The following DCAF5 variants were observed in gnomAD, a reference collection of about 807,000 sequenced individuals.
The protein encoded by DCAF5 is DDB1 and CUL4 associated factor 5.
In DCAF5, 9 loss-of-function variants were observed where a neutral mutation model predicts 80.7. The observed-to-expected ratio is 0.11, with a 90% CI of 0.07 to 0.19. The LOEUF is 0.19. Ranked by LOEUF, DCAF5 falls within the 10% of genes least tolerant of loss-of-function variation. The pLI is 1.00. For missense variants in DCAF5, 842 were observed against 1,205.7 expected (o/e 0.70, Z 4.47); for synonymous variants, 433 against 461.9 (o/e 0.94, Z 0.80).
chr14:69,147,500 G>A (rs1039467429), intron 1 of DCAF5, among the ~76,000 whole-genome samples: 2 of 152,080 alleles, frequency 1.3e-5, no homozygotes, highest in African/African-American at 4.8e-5. Flanking sequence ...AGACAAGAGA[G>A]GATAAGTGAC....
At chr14:69,123,525 A>C (rs1008581657) in intron 1 of DCAF5, among the ~76,000 whole-genome samples, 3 of 152,188 alleles carry the variant, frequency 2.0e-5, no homozygotes, top group African/African-American at 7.2e-5. Flanking sequence ...AAATATATAT[A>C]TATACATGTA....
At position 69,053,880 on chromosome 14, in the gene DCAF5, A is replaced by T; in HGVS notation, c.2806T>A (p.Ser936Thr). Residue 936 changes from serine (S) to threonine (T), a missense_variant, in exon 9 of 9, where the codon TCA (serine) becomes ACA (threonine). Physicochemically the swap from Ser to Thr is moderately conservative, Grantham distance 58. This residue lies in a region of DCAF5 where 607 missense variants were observed against 656.6 expected (regional missense o/e 0.92). Coordinates refer to ENST00000341516, the MANE Select transcript of DCAF5 (RefSeq NM_003861.3). ...LEDTDSENSS[S>T]EKKLKT is the part of the protein sequence containing the mutation. ...TATCATGTTTTTAATTTCTTCTCTG[A>T]GGAGGAATTCTCTGAATCTGTATCT... 1.9e-6 allele frequency: 3 copies of T among 1,605,334 alleles called. No homozygotes were observed. Among genetic ancestry groups the T allele is most frequent in the Non-Finnish European group, 1.7e-6 (2 of 1,178,298 alleles).
chr14:69,077,933 G>T (rs1010762755), intron 6 of DCAF5, among the ~76,000 whole-genome samples: 1 of 152,118 alleles, frequency 6.6e-6, no homozygotes. Context: ...AAAAGCAGTG[G>T]GCTCAGTTTC....
At chr14:69,074,581 A>G (rs2038828351) in intron 7 of DCAF5, among the ~76,000 whole-genome samples, 1 of 152,218 alleles carries the variant, frequency 6.6e-6, no homozygotes, top group Non-Finnish European at 1.5e-5. Context: ...ACAAAGCCCC[A>G]GGGAACATAC....
At chr14:69,103,109 G>C (rs1194124753) in intron 5 of DCAF5, among the ~76,000 whole-genome samples, 1 of 152,154 alleles carries the variant, frequency 6.6e-6, no homozygotes, top group African/African-American at 2.4e-5. Flanking sequence ...TCATTATGCA[G>C]AACACACGTG....
Position 69,061,443 on chromosome 14 carries a change from G to A in DCAF5, c.1074+941C>T, listed in dbSNP as rs1179193979. 2.0e-5 allele frequency among the ~76,000 whole-genome samples: 3 copies of A among 152,190 alleles called. No individual in the cohort carries two copies. The East Asian group carries it at 5.8e-4, about 29-fold the overall frequency. On this transcript the variant is annotated intron_variant, in intron 8 of 8. Coordinates refer to ENST00000341516, the MANE Select transcript of DCAF5 (RefSeq NM_003861.3). ...TACTAGCAACTGGAATACAAGTGAT[G>A]GGCAGTGGGTCATCCTTCTGTGGAC...
chr14:69,119,773 TG>T (rs1384856186), intron 2 of DCAF5, among the ~76,000 whole-genome samples: 1 of 151,702 alleles, frequency 6.6e-6, no homozygotes, highest in Non-Finnish European at 1.5e-5. Flanking sequence ...AAACACTAAA[TG>T]ATCATTGACA....
chr14:69,100,485 A>T (rs893084049), intron 5 of DCAF5, among the ~76,000 whole-genome samples: 1 of 152,214 alleles, frequency 6.6e-6, no homozygotes, highest in Admixed American at 6.5e-5. Flanking sequence ...CTGAAATTCA[A>T]TCTTAGTGTC....
At position 69,152,813 on chromosome 14, in the gene DCAF5, C is replaced by T; in HGVS notation, c.166G>A (p.Val56Ile). 1 of 1,614,082 alleles carries T rather than the reference C, an allele frequency of 6.2e-7. No individual in the cohort carries two copies. The highest frequency in any genetic ancestry group is 8.5e-7 in the Non-Finnish European group (1 of 1,179,980). ...TTGTTGGAGAATTCAATGGCATTGA[C>T]ACAGCCGAAGTGGCCGAGGAGGTCC... ...KKDLLGHFGC[V>I]NAIEFSNNGG... The change falls in exon 1 of 9, where the codon GTC becomes ATC. Residue 56 changes from valine (V) to isoleucine (I), a missense_variant. This residue lies in a region of DCAF5 where 142 missense variants were observed against 311.9 expected (regional missense o/e 0.46). Transcript: ENST00000341516. The surrounding 1 kb of genome is among the most constrained non-coding windows in gnomAD (Gnocchi z 4.1).
At chr14:69,115,866 A>G (rs2040528453) in intron 5 of DCAF5, among the ~76,000 whole-genome samples, 1 of 152,194 alleles carries the variant, frequency 6.6e-6, no homozygotes, top group South Asian at 2.1e-4. Context: ...TAAACAGAAA[A>G]TGCACTTATT....
At chr14:69,105,919 A>G (rs1402599761) in intron 5 of DCAF5, among the ~76,000 whole-genome samples, 1 of 44,056 alleles carries the variant, frequency 2.3e-5, no homozygotes, top group East Asian at 4.4e-4. Context: ...ACTGTCATAT[A>G]TATATATATA....
chr14:69,057,642 G>C (rs186682199), intron 8 of DCAF5, among the ~76,000 whole-genome samples: 1 of 152,322 alleles, frequency 6.6e-6, no homozygotes, highest in Non-Finnish European at 1.5e-5. Context: ...GCTCTGGAAT[G>C]TATTAAGCTG....
chr14:69,112,076 G>T (rs1351833392), intron 5 of DCAF5, among the ~76,000 whole-genome samples: 2 of 152,204 alleles, frequency 1.3e-5, no homozygotes, highest in Non-Finnish European at 2.9e-5. Context: ...TTCAAGAGAT[G>T]TAAGAAACTA....
intron 1 of DCAF5, among the ~76,000 whole-genome samples, chr14:69,135,839 T>C (rs1010235849): frequency 6.6e-6 from 1 of 152,218 alleles, no homozygotes; most frequent in Non-Finnish European, 1.5e-5. Context: ...TTGGAAAACC[T>C]GAAAAACTCA....
chr14:69,091,878 C>A lies in DCAF5; in HGVS notation c.675G>T (p.Leu225=). The A allele has an allele frequency of 6.2e-7, 1 of 1,611,752 alleles. No individual in the cohort carries two copies. Among genetic ancestry groups the A allele is most frequent in the Non-Finnish European group, 8.5e-7 (1 of 1,178,808 alleles). Reference sequence around the variant, plus strand: ...GGAGGGACAGGTTTCCACCATAGCGCAGGAGAGAACTGGAAGGCACAAGGC... The same window carrying A: ...GGAGGGACAGGTTTCCACCATAGCGAAGGAGAGAACTGGAAGGCACAAGGC... ...WDIRKPQSSL[L]RYGGNLSLQS... Residue 225 remains leucine, a synonymous_variant, in exon 6 of 9, where the codon CTG becomes CTT. Coordinates refer to ENST00000341516, the MANE Select transcript of DCAF5 (RefSeq NM_003861.3).
intron 1 of DCAF5, among the ~76,000 whole-genome samples, chr14:69,138,483 CA>C (rs1407377631): frequency 6.6e-6 from 1 of 152,212 alleles, no homozygotes; most frequent in Non-Finnish European, 1.5e-5. Context: ...AAACCATGTT[CA>C]GGGGCAATGA....
chr14:69,118,127 C>T lies in DCAF5; in HGVS notation c.535+12G>A. ...CAACACAGTCCAACAGTCATTTGCA[C>T]AGTGAGCCTACCTCCATGGGGGGAT... On this transcript the variant is annotated intron_variant, in intron 4 of 8. Coordinates refer to ENST00000341516, the MANE Select transcript of DCAF5 (RefSeq NM_003861.3). The surrounding 1 kb of genome is among the most constrained non-coding windows in gnomAD (Gnocchi z 4.0). The T allele has an allele frequency of 6.2e-7, 1 of 1,613,712 alleles. No individual in the cohort carries two copies. Among genetic ancestry groups the T allele is most frequent in the Non-Finnish European group, 8.5e-7 (1 of 1,179,726 alleles).
chr14:69,122,130 G>A lies in DCAF5; in HGVS notation c.358+87C>T, dbSNP rs537719969. The A allele has an allele frequency of 1.8e-4, 272 of 1,491,122 alleles. 2 individuals carry two copies. The East Asian group carries it at 5.8e-3, about 32-fold the overall frequency. 92.4% of individuals were successfully genotyped at this position (1,491,122 alleles called of 1,614,324 possible). A position where few individuals can be genotyped will look rare whatever the true frequency, so the allele number is the denominator to read the frequency against. On this transcript the variant is annotated intron_variant, in intron 2 of 8. Coordinates refer to ENST00000341516, the MANE Select transcript of DCAF5 (RefSeq NM_003861.3). Reference sequence around the variant, plus strand: ...TAATTCCACAGCTCAATGAAATACAGGAAGAAAAATAAGGAGTTATTTTCG... The same window carrying A: ...TAATTCCACAGCTCAATGAAATACAAGAAGAAAAATAAGGAGTTATTTTCG...
At chr14:69,151,261 C>T (rs1054670403) in intron 1 of DCAF5, among the ~76,000 whole-genome samples, 2 of 152,090 alleles carry the variant, frequency 1.3e-5, no homozygotes, top group African/African-American at 2.4e-5. Context: ...AAAGAGAAAA[C>T]GATCTGGGGT....
Sources: gnomAD v4.1 joint callset for allele counts (sites outside exome capture counted in the v4.1 genomes callset) on GRCh38, gnomAD v4.1.1 for gene constraint, gnomAD v4.1.1 regional missense constraint, Gnocchi (gnomAD v3.1) non-coding constraint, MANE v1.5 for transcripts, NCBI Gene and HGNC (gene_info 2026-07-23, HGNC 2026-07-21) for gene names.